The following ZBTB20 variants were observed in gnomAD, a reference collection of about 807,000 sequenced individuals.
ZBTB20 encodes the protein zinc finger and BTB domain-containing protein 20.
Under a neutral mutation model 56.9 loss-of-function variants are expected in ZBTB20, and 9 were observed. The ratio of observed to expected loss-of-function variants is 0.16; its 90% CI spans 0.10 to 0.28. The LOEUF is 0.28. Ranked by LOEUF, ZBTB20 falls within the 10% of genes least tolerant of loss-of-function variation. The pLI, the probability that ZBTB20 is intolerant of heterozygous loss-of-function variation, is 1.00. For missense variants in ZBTB20, 655 were observed against 1,003.0 expected, an observed-to-expected ratio of 0.65 and a Z score of 4.69; for synonymous variants, 417 against 420.7, an observed-to-expected ratio of 0.99 and a Z score of 0.11.
intron 5 of ZBTB20, among the ~76,000 whole-genome samples, chr3:114,772,051 C>T (rs75369800): frequency 0.034 from 5,216 of 152,220 alleles, 144 homozygotes; most frequent in African/African-American, 0.07. Context: ...TTTATCTCAG[C>T]CTTCCATGTG....
At position 115,002,908 on chromosome 3, in the gene ZBTB20, C is replaced by T. The variant is rs77827773; in HGVS notation, c.-506-28492G>A. ...ATTGCAAAAAAATTGGAGGCAACGACGATGTCTTTAAGTAGGTGAATGCAT... is the reference window on the plus strand; with the variant it reads ...ATTGCAAAAAAATTGGAGGCAACGATGATGTCTTTAAGTAGGTGAATGCAT... On this transcript the variant is annotated intron_variant, in intron 2 of 11. Coordinates refer to ENST00000675478, the MANE Select transcript of ZBTB20 (RefSeq NM_001348800.3). 4.0e-3 allele frequency among the ~76,000 whole-genome samples: 611 copies of T among 151,652 alleles called. 3 individuals carry two copies. The highest frequency in any genetic ancestry group is 0.014 in the African/African-American group (579 of 41,438).
At chr3:114,384,145 TCTC>T (rs1409215122) in intron 8 of ZBTB20, among the ~76,000 whole-genome samples, 1 of 151,740 alleles carries the variant, frequency 6.6e-6, no homozygotes, top group Non-Finnish European at 1.5e-5. Context: ...TCTCTCTCTC[TCTC>T]ATTTTCTCTC....
intron 10 of ZBTB20, among the ~76,000 whole-genome samples, chr3:114,372,419 G>A (rs2083128736): frequency 6.6e-6 from 1 of 152,196 alleles, no homozygotes. Flanking sequence ...AGGGACCTGG[G>A]AGGATTTTAT....
chr3:115,094,405 A>G (rs2083304993), intron 1 of ZBTB20, among the ~76,000 whole-genome samples: 1 of 152,096 alleles, frequency 6.6e-6, no homozygotes, highest in Non-Finnish European at 1.5e-5. Context: ...ACATTTTCTC[A>G]CTGTTTAAAT....
chr3:114,564,464 T>A (rs1233816350), intron 6 of ZBTB20, among the ~76,000 whole-genome samples: 1 of 152,152 alleles, frequency 6.6e-6, no homozygotes, highest in Non-Finnish European at 1.5e-5. Flanking sequence ...CATAGCATGG[T>A]AAGCTGCACA....
At chr3:114,519,113 A>G (rs1197240159) in intron 6 of ZBTB20, 3 of 152,150 alleles carry the variant, frequency 2.0e-5, no homozygotes, top group Non-Finnish European at 2.9e-5. Context: ...TCAAGACCTA[A>G]TAGAACTGCC....
chr3:114,677,180 C>T (rs924268243), intron 6 of ZBTB20, among the ~76,000 whole-genome samples: 1 of 152,186 alleles, frequency 6.6e-6, no homozygotes, highest in Admixed American at 6.5e-5. Context: ...CAATGCCATA[C>T]TACCTGCTAA....
intron 7 of ZBTB20, among the ~76,000 whole-genome samples, chr3:114,457,663 G>A (rs1200248827): frequency 6.6e-6 from 1 of 152,126 alleles, no homozygotes; most frequent in Non-Finnish European, 1.5e-5. Flanking sequence ...TAAGCAGTCT[G>A]CTAAGGACTT....
chr3:114,531,103 T>C (rs75122591), intron 6 of ZBTB20, among the ~76,000 whole-genome samples: 17,998 of 152,210 alleles, frequency 0.12, 1,369 homozygotes, highest in Middle Eastern at 0.23. Context: ...GTATTGCCTA[T>C]AGTATCCTGG....
chr3:114,453,853 CCTGT>C (rs1481060016), intron 7 of ZBTB20, among the ~76,000 whole-genome samples: 2 of 151,422 alleles, frequency 1.3e-5, no homozygotes, highest in Non-Finnish European at 2.9e-5. Context: ...ATGTTCTGTT[CCTGT>C]CTCTTTCTTT....
chr3:114,812,846 G>A lies in ZBTB20; in HGVS notation c.-416-11672C>T, dbSNP rs541308260. 3.3e-5 allele frequency among the ~76,000 whole-genome samples: 5 copies of A among 152,362 alleles called. No homozygotes were observed. In the East Asian group the frequency reaches 9.7e-4, roughly 29 times the overall value. ...GCAGGTCCCGAGCCCTGCCCCGCGG[G>A]AAGGCAGCTAAGGCCCGGCGAGAAA... On this transcript the variant is annotated intron_variant, in intron 4 of 11. Transcript: ENST00000675478.
chr3:114,862,243 TATC>T (rs2075568304), intron 4 of ZBTB20, among the ~76,000 whole-genome samples: 1 of 152,194 alleles, frequency 6.6e-6, no homozygotes, highest in South Asian at 2.1e-4. Context: ...ATTAGAATAT[TATC>T]ATATCTTCAT....
intron 4 of ZBTB20, among the ~76,000 whole-genome samples, chr3:114,813,999 T>C (rs920929723): frequency 1.3e-5 from 2 of 151,982 alleles, no homozygotes; most frequent in African/African-American, 4.8e-5. Context: ...CTAATGAAAG[T>C]TAATATTTAT....
chr3:114,847,582 G>A (rs1228088112), intron 4 of ZBTB20, among the ~76,000 whole-genome samples: 3 of 152,190 alleles, frequency 2.0e-5, no homozygotes, highest in Admixed American at 6.5e-5. Context: ...CGTGGGACCA[G>A]TGAAATGGAG....
chr3:114,933,952 T>G (rs1156770585), intron 3 of ZBTB20, among the ~76,000 whole-genome samples: 1 of 152,174 alleles, frequency 6.6e-6, no homozygotes, highest in Non-Finnish European at 1.5e-5. Flanking sequence ...TTTTGCTACC[T>G]CCATTGCACT....
At chr3:114,631,182 G>C (rs1452823098) in intron 6 of ZBTB20, among the ~76,000 whole-genome samples, 4 of 151,938 alleles carry the variant, frequency 2.6e-5, no homozygotes, top group African/African-American at 4.8e-5. Flanking sequence ...ATGCATCAGT[G>C]ATCTCACACC....
rs1217783991 is a variant in ZBTB20 at position 114,327,415 on chromosome 3, G to A, written c.*11590C>T. On this transcript the variant is annotated 3_prime_UTR_variant, in exon 12 of 12. Transcript: ENST00000675478. The stretch of plus-strand genomic sequence containing the variant: ...TCCTTTGGAAGCCAGTGCCTAAGGA[G>A]AGGATTACTTTAGATAAAGAGTACT... The A allele has an allele frequency of 2.0e-5, 3 of 151,968 alleles. No homozygotes were observed. Among genetic ancestry groups the A allele is most frequent in the Non-Finnish European group, 2.9e-5 (2 of 67,984 alleles). 9.4% of individuals were successfully genotyped at this position (151,968 alleles called of 1,614,324 possible).
intron 6 of ZBTB20, among the ~76,000 whole-genome samples, chr3:114,653,542 T>G (rs967239085): frequency 6.6e-6 from 1 of 152,004 alleles, no homozygotes; most frequent in Admixed American, 6.5e-5. Context: ...TGTTAAAGAT[T>G]ATTGTGCCTA....
At chr3:114,827,306 G>A (rs1008014839) in intron 4 of ZBTB20, among the ~76,000 whole-genome samples, 2 of 151,582 alleles carry the variant, frequency 1.3e-5, no homozygotes, top group African/African-American at 2.4e-5. Flanking sequence ...CTCGAATATT[G>A]CAAGTATTAA....
Sources: gnomAD v4.1 joint callset for allele counts (sites outside exome capture counted in the v4.1 genomes callset) on GRCh38, gnomAD v4.1.1 for gene constraint, MANE v1.5 for transcripts, NCBI Gene and HGNC (gene_info 2026-07-23, HGNC 2026-07-21) for gene names.